The following PCDHA5 variants were observed in gnomAD, a reference collection of about 807,000 sequenced individuals.
PCDHA5 encodes the protein protocadherin alpha 5.
In PCDHA5, 43 loss-of-function variants were observed where a neutral mutation model predicts 61.6. The ratio of observed to expected loss-of-function variants is 0.70; its 90% CI spans 0.55 to 0.90. The LOEUF is 0.90. PCDHA5 is among the 40% of genes least tolerant of loss of function. The pLI is 0.00. For synonymous variants in PCDHA5, 627 were observed against 543.9 expected (o/e 1.15, Z -2.13); for missense variants, 1,298 against 1,222.7 (o/e 1.06, Z -0.92).
At chr5:140,998,720 A>G (rs1554256437) in intron 3 of PCDHA5, among the ~76,000 whole-genome samples, 1 of 152,092 alleles carries the variant, frequency 6.6e-6, no homozygotes, top group African/African-American at 2.4e-5. Context: ...TTGCACCACC[A>G]CGCTAGGCTA....
intron 1 of PCDHA5, among the ~76,000 whole-genome samples, chr5:140,844,800 T>C (rs1779552388): frequency 6.7e-6 from 1 of 149,422 alleles, no homozygotes; most frequent in South Asian, 2.1e-4. Flanking sequence ...AACATTTTCT[T>C]TCTTTTATTT....
At chr5:140,828,526 T>G in intron 1 of PCDHA5, 2 of 1,614,226 alleles carry the variant, frequency 1.2e-6, no homozygotes, top group Non-Finnish European at 1.7e-6. Flanking sequence ...TTTACGAATC[T>G]AGGCTGCCAG....
intron 1 of PCDHA5, chr5:140,883,780 G>C (rs903874944): frequency 1.2e-6 from 2 of 1,612,370 alleles, no homozygotes; most frequent in Admixed American, 1.7e-5. Flanking sequence ...AGCGTGCGCT[G>C]TCGAGCTACG....
intron 1 of PCDHA5, chr5:140,848,468 C>A: frequency 6.5e-7 from 1 of 1,547,824 alleles, no homozygotes; most frequent in African/African-American, 1.4e-5. Context: ...GCAATTTTCA[C>A]TAATTAGAAG....
rs1554131612 is a variant in PCDHA5, at chr5:140,828,869, A to G, written c.2352+4742A>G. The G allele has an allele frequency of 3.1e-6, 5 of 1,614,138 alleles. No homozygotes were observed. Among genetic ancestry groups the G allele is most frequent in the Admixed American group, 1.7e-5 (1 of 60,016 alleles). On this transcript the variant is annotated intron_variant, in intron 1 of 3. Coordinates refer to ENST00000529859, the MANE Select transcript of PCDHA5 (RefSeq NM_018908.3). ...ATTCGAAAATGCAGACAACGGAACA[A>G]CAGTTATCAGACTGAATGCTTCTGA...
At chr5:140,872,211 T>C (rs2053549148) in intron 1 of PCDHA5, among the ~76,000 whole-genome samples, 1 of 152,218 alleles carries the variant, frequency 6.6e-6, no homozygotes, top group South Asian at 2.1e-4. Flanking sequence ...ATTCATTATA[T>C]ATGAAACAAT....
chr5:140,965,174 CT>C (rs1213439654), intron 1 of PCDHA5, among the ~76,000 whole-genome samples: 1 of 152,110 alleles, frequency 6.6e-6, no homozygotes, highest in East Asian at 1.9e-4. Context: ...TTAGTGAGTG[CT>C]TTTTTTGCAC....
At chr5:141,006,215 TA>T (rs200576602) in intron 3 of PCDHA5, among the ~76,000 whole-genome samples, 4 of 151,640 alleles carry the variant, frequency 2.6e-5, no homozygotes, top group South Asian at 2.1e-4. Flanking sequence ...CATTTTTTTT[TA>T]AATTTTTTAT....
Position 140,822,951 on chromosome 5 carries a change from T to C in PCDHA5, c.1176T>C (p.Val392=). 6.2e-7 allele frequency: 1 copy of C among 1,614,176 alleles called. No homozygotes were observed. Among genetic ancestry groups the C allele is most frequent in the African/African-American group, 1.3e-5 (1 of 75,058 alleles). The part of the protein sequence containing the change: ...GQVTCSLMPH[V]PFKLVSTFKN... Reference sequence around the variant, plus strand: ...TGACCTGCTCCCTAATGCCCCACGTTCCCTTCAAGCTGGTGTCCACCTTCA... The same window carrying C: ...TGACCTGCTCCCTAATGCCCCACGTCCCCTTCAAGCTGGTGTCCACCTTCA... Residue 392 remains valine (V), a synonymous_variant, in exon 1 of 4, where the codon GTT becomes GTC. Coordinates refer to ENST00000529859, the MANE Select transcript of PCDHA5 (RefSeq NM_018908.3).
chr5:140,839,690 G>A (rs1776366219), intron 1 of PCDHA5, among the ~76,000 whole-genome samples: 1 of 151,916 alleles, frequency 6.6e-6, no homozygotes, highest in African/African-American at 2.4e-5. Flanking sequence ...AGATTTTTTT[G>A]GGTAAATAAT....
At chr5:140,932,734 C>G (rs1295804671) in intron 1 of PCDHA5, among the ~76,000 whole-genome samples, 2 of 151,588 alleles carry the variant, frequency 1.3e-5, no homozygotes, top group Non-Finnish European at 1.5e-5. Context: ...AATATAGACC[C>G]TCAAATCAGT....
chr5:140,941,316 T>C (rs1479003076), intron 1 of PCDHA5, among the ~76,000 whole-genome samples: 1 of 135,480 alleles, frequency 7.4e-6, no homozygotes, highest in African/African-American at 2.7e-5. Flanking sequence ...TTTTCTTCTT[T>C]CTCTTTTTTT....
Position 140,993,262 on chromosome 5 carries a change from C to T in PCDHA5, c.2500+10699C>T, listed in dbSNP as rs75542242. ...CTGGGGATTTAGATATATAAATTAG[C>T]TTCTTTGGTCTTTTCTTGCCCAGGG... On this transcript the variant is annotated intron_variant, in intron 3 of 3. Transcript: ENST00000529859. Among the ~76,000 whole-genome samples the T allele has an allele frequency of 6.3e-3, 965 of 152,148 alleles. 15 individuals are homozygous for T. Among genetic ancestry groups the T allele is most frequent in the African/African-American group, 0.023 (934 of 41,492 alleles).
intron 1 of PCDHA5, chr5:140,842,797 C>T (rs1554139391): frequency 1.3e-6 from 2 of 1,594,372 alleles, no homozygotes; most frequent in East Asian, 2.2e-5. Context: ...TGGTGTCCTA[C>T]TCGCTTGTGG....
At chr5:140,886,596 G>C (rs1359025262) in intron 1 of PCDHA5, among the ~76,000 whole-genome samples, 1 of 152,008 alleles carries the variant, frequency 6.6e-6, no homozygotes, top group East Asian at 1.9e-4. Context: ...GGGAGGCCAA[G>C]GTGGGCGGAT....
intron 1 of PCDHA5, among the ~76,000 whole-genome samples, chr5:140,894,202 A>G (rs1554185980): frequency 6.6e-6 from 1 of 152,034 alleles, no homozygotes. Context: ...TTTCTATGCT[A>G]TTATATTCTC....
At chr5:140,850,821 C>T in intron 1 of PCDHA5, 1 of 1,598,302 alleles carries the variant, frequency 6.3e-7, no homozygotes, top group Non-Finnish European at 8.6e-7. Flanking sequence ...CAGCCCGGGC[C>T]TTTCTCCTTG....
chr5:140,926,679 C>T (rs1348629347), intron 1 of PCDHA5: 26 of 638,064 alleles, frequency 4.1e-5, no homozygotes, highest in Middle Eastern at 4.4e-4. Context: ...GCCCAGCCTC[C>T]AGCCTAGCAA....
rs150962684 is a variant in PCDHA5 at position 140,829,379 on chromosome 5, G to A, written c.2352+5252G>A. The A allele has an allele frequency of 1.9e-4, 311 of 1,614,184 alleles. 1 individual carries two copies. The African/African-American group carries it at 3.5e-3, about 18-fold the overall frequency. The stretch of plus-strand genomic sequence containing the variant: ...TGAGTTGGTGGTAACCGCGCGGGAC[G>A]GGGGCTCGCCTTCGCTGTGGGCCAC... On this transcript the variant is annotated intron_variant, in intron 1 of 3. Coordinates refer to ENST00000529859, the MANE Select transcript of PCDHA5 (RefSeq NM_018908.3).
Sources: gnomAD v4.1 joint callset for allele counts (sites outside exome capture counted in the v4.1 genomes callset) on GRCh38, gnomAD v4.1.1 for gene constraint, MANE v1.5 for transcripts, NCBI Gene and HGNC (gene_info 2026-07-23, HGNC 2026-07-21) for gene names.